HFM1: variants seen among roughly 807,000 people sequenced by gnomAD.
The protein encoded by HFM1 is probable ATP-dependent DNA helicase HFM1.
A neutral mutation model predicts 192.1 loss-of-function variants in HFM1; 169 were observed. That is an observed-to-expected ratio of 0.88 (90% CI 0.78 to 1.00). HFM1 has a LOEUF of 1.00. HFM1 is among the 50% of genes least tolerant of loss of function. The pLI is 0.00. For missense variants in HFM1, 1,661 were observed against 1,668.0 expected, an observed-to-expected ratio of 1.00 and a Z score of 0.07; for synonymous variants, 525 against 537.8, an observed-to-expected ratio of 0.98 and a Z score of 0.33.
chr1:91,327,719 T>C (rs2101444924), intron 20 of HFM1, among the ~76,000 whole-genome samples: 1 of 152,298 alleles, frequency 6.6e-6, no homozygotes, highest in Admixed American at 6.5e-5. Context: ...GGAGAGACCA[T>C]ATGTTAGGTC....
Position 91,370,478 on chromosome 1 carries a change from A to G in HFM1, c.1685+4880T>C, listed in dbSNP as rs534368842. Reference sequence around the variant, plus strand: ...CGTAATCCAGCATATAAACAGAACCAAAGACAAAAACCACATGATTATCTC... The same window carrying G: ...CGTAATCCAGCATATAAACAGAACCGAAGACAAAAACCACATGATTATCTC... On this transcript the variant is annotated intron_variant, in intron 13 of 38. Transcript: ENST00000370425. Among the ~76,000 whole-genome samples, 7 of 152,330 alleles carry G rather than the reference A, an allele frequency of 4.6e-5. No homozygotes were observed. In the South Asian group the frequency reaches 1.0e-3, roughly 23 times the overall value.
chr1:91,359,741 C>A (rs1489048976), intron 13 of HFM1, among the ~76,000 whole-genome samples: 1 of 152,056 alleles, frequency 6.6e-6, no homozygotes, highest in Non-Finnish European at 1.5e-5. Flanking sequence ...AGCAAGACAG[C>A]CCAGCATTCA....
chr1:91,289,415 C>T (rs565096762), intron 30 of HFM1, among the ~76,000 whole-genome samples: 5 of 151,910 alleles, frequency 3.3e-5, no homozygotes, highest in East Asian at 2.0e-4. Flanking sequence ...ACATCCCAGA[C>T]GATGGGCGGC....
intron 29 of HFM1, 150 bp from the exon 30 acceptor site, chr1:91,313,645 AT>A (rs1191377163): frequency 1.8e-5 from 8 of 454,310 alleles, no homozygotes; most frequent in Non-Finnish European, 3.0e-5. Flanking sequence ...GTTAAAAAAT[AT>A]GACAACTAAA....
intron 3 of HFM1, among the ~76,000 whole-genome samples, chr1:91,395,335 A>T (rs1663528831): frequency 6.6e-6 from 1 of 152,162 alleles, no homozygotes; most frequent in Non-Finnish European, 1.5e-5. Context: ...TAAAACAAAA[A>T]TCAAAACATG....
At chr1:91,322,608 C>T (rs1368750225) in intron 23 of HFM1, among the ~76,000 whole-genome samples, 2 of 152,122 alleles carry the variant, frequency 1.3e-5, no homozygotes, top group Non-Finnish European at 2.9e-5. Context: ...ATGCCACTAC[C>T]ATTCAGTAGA....
chr1:91,383,479 C>A (rs1661798152), intron 6 of HFM1, among the ~76,000 whole-genome samples: 1 of 152,098 alleles, frequency 6.6e-6, no homozygotes, highest in African/African-American at 2.4e-5. Context: ...TCTTATTGAT[C>A]CCTCTCCCTC....
chr1:91,360,179 C>T (rs1010698123), intron 13 of HFM1, among the ~76,000 whole-genome samples: 1 of 152,262 alleles, frequency 6.6e-6, no homozygotes, highest in East Asian at 1.9e-4. Context: ...ATGACAGGAT[C>T]AAATTCACAC....
At chr1:91,343,212 A>G in intron 20 of HFM1, among the ~76,000 whole-genome samples, 1 of 127,422 alleles carries the variant, frequency 7.8e-6, no homozygotes, top group Admixed American at 9.0e-5. Flanking sequence ...GCCTGGGCAA[A>G]AGAGTGAGAC....
At chr1:91,310,014 A>G (rs1650202863) in intron 30 of HFM1, among the ~76,000 whole-genome samples, 1 of 151,996 alleles carries the variant, frequency 6.6e-6, no homozygotes, top group Non-Finnish European at 1.5e-5. Context: ...CTAGAACAGC[A>G]TATTACTCTG....
chr1:91,375,978 T>C (rs1415341485), intron 11 of HFM1, among the ~76,000 whole-genome samples: 1 of 132,982 alleles, frequency 7.5e-6, no homozygotes, highest in African/African-American at 2.9e-5. Context: ...TATTATTTTG[T>C]TTTATTTTCC....
At chr1:91,293,994 A>T (rs1196517135) in intron 30 of HFM1, among the ~76,000 whole-genome samples, 3 of 149,540 alleles carry the variant, frequency 2.0e-5, no homozygotes, top group Non-Finnish European at 4.4e-5. Flanking sequence ...GTGGGAAATG[A>T]ACAATGAGAA....
intron 2 of HFM1, among the ~76,000 whole-genome samples, chr1:91,400,690 G>A (rs1471524937): frequency 6.6e-6 from 1 of 152,076 alleles, no homozygotes; most frequent in African/African-American, 2.4e-5. Flanking sequence ...CACCATGTTG[G>A]CTAGGCTGGT....
intron 20 of HFM1, among the ~76,000 whole-genome samples, chr1:91,336,185 C>T (rs1056302677): frequency 6.7e-6 from 1 of 149,370 alleles, no homozygotes; most frequent in African/African-American, 2.5e-5. Flanking sequence ...AAGATCCCTG[C>T]CTCCCTCCTT....
intron 30 of HFM1, among the ~76,000 whole-genome samples, chr1:91,300,583 A>G (rs1648576508): frequency 1.3e-5 from 2 of 152,206 alleles, no homozygotes; most frequent in Admixed American, 6.5e-5. Context: ...AAGCTTATCC[A>G]CCATGATCAA....
At chr1:91,350,916 A>G (rs550549014) in intron 17 of HFM1, 45 bp from the exon 18 acceptor site, 6 of 1,478,920 alleles carry the variant, frequency 4.1e-6, no homozygotes, top group South Asian at 2.7e-5. Flanking sequence ...GTTCAATGCC[A>G]TAACTCTTAC....
At chr1:91,303,524 AC>A (rs1376969002) in intron 30 of HFM1, among the ~76,000 whole-genome samples, 2 of 152,226 alleles carry the variant, frequency 1.3e-5, no homozygotes, top group Non-Finnish European at 2.9e-5. Flanking sequence ...TTGGATATAC[AC>A]CTAGGAGTAC....
At position 91,278,114 on chromosome 1, in the gene HFM1, CATT is replaced by C. The variant is rs988226890; in HGVS notation, c.3392-1055_3392-1053del. On this transcript the variant is annotated intron_variant, in intron 30 of 38. Transcript: ENST00000370425. ...CCTGAAAAACCTGTAAAGAAGTAAA[CATT>C]ATGGCATTTTGATGGTACTGCTGAC... Among the ~76,000 whole-genome samples the C allele has an allele frequency of 5.3e-5, 8 of 150,378 alleles. No homozygotes were observed. The Admixed American group carries it at 5.4e-4, about 10-fold the overall frequency.
At chr1:91,313,572 T>C in intron 29 of HFM1, 77 bp from the exon 30 acceptor site, 2 of 995,328 alleles carry the variant, frequency 2.0e-6, no homozygotes, top group Non-Finnish European at 2.8e-6. Context: ...TTTCTTTTTA[T>C]CTCTCTTACA....
Sources: allele counts gnomAD v4.1 joint callset (sites outside exome capture counted in the v4.1 genomes callset), GRCh38; gene constraint gnomAD v4.1.1; transcripts MANE v1.5; gene names NCBI Gene and HGNC (gene_info 2026-07-23, HGNC 2026-07-21).